The following KCNJ15 variants were observed in gnomAD, a reference collection of about 807,000 sequenced individuals.
KCNJ15 encodes the protein potassium inwardly rectifying channel subfamily J member 15, also known as ATP-sensitive inward rectifier potassium channel 15.
Under a neutral mutation model 23.0 loss-of-function variants are expected in KCNJ15, and 14 were observed. The observed-to-expected ratio is 0.61, with a 90% confidence interval of 0.40 to 0.95. KCNJ15 has a LOEUF of 0.95. KCNJ15 is among the 40% of genes least tolerant of loss of function. The pLI, the probability that KCNJ15 is intolerant of heterozygous loss-of-function variation, is 0.00. For synonymous variants in KCNJ15, 185 were observed against 183.2 expected (o/e 1.01, Z -0.08); for missense variants, 388 against 461.8 (o/e 0.84, Z 1.46).
chr21:38,281,752 G>A (rs1983369464), intron 1 of KCNJ15, among the ~76,000 whole-genome samples: 2 of 148,568 alleles, frequency 1.3e-5, no homozygotes, highest in African/African-American at 2.6e-5. Context: ...GTGTCTTTTG[G>A]TAGAATGATA....
chr21:38,241,496 G>T (rs974626748), intron 1 of KCNJ15, among the ~76,000 whole-genome samples: 5 of 152,168 alleles, frequency 3.3e-5, no homozygotes, highest in African/African-American at 9.6e-5. Flanking sequence ...TTTTCATCTC[G>T]TGCAAATGAA....
chr21:38,271,345 T>C (rs966607519), intron 1 of KCNJ15, among the ~76,000 whole-genome samples: 13 of 152,166 alleles, frequency 8.5e-5, no homozygotes, highest in African/African-American at 2.9e-4. Context: ...AAGAGCTTGT[T>C]CTCCTAATGT....
At chr21:38,244,649 A>C (rs1979242843) in intron 1 of KCNJ15, among the ~76,000 whole-genome samples, 1 of 152,118 alleles carries the variant, frequency 6.6e-6, no homozygotes, top group Admixed American at 6.5e-5. Context: ...GAACTGAGCA[A>C]GTCCTAACCA....
intron 1 of KCNJ15, among the ~76,000 whole-genome samples, chr21:38,274,790 C>G (rs115877769): frequency 6.6e-6 from 1 of 152,172 alleles, no homozygotes; most frequent in Non-Finnish European, 1.5e-5. Context: ...ATCTGGCTGG[C>G]CTTTCTCCAG....
upstream of KCNJ15, among the ~76,000 whole-genome samples, chr21:38,256,366 A>ATGTG (rs200587072): frequency 3.8e-5 from 5 of 131,722 alleles, no homozygotes; most frequent in Admixed American, 3.5e-4. Flanking sequence ...CAGCTTATAT[A>ATGTG]TATATATATA....
At chr21:38,238,764 A>G in intron 1 of KCNJ15, 2 of 355,552 alleles carry the variant, frequency 5.6e-6, no homozygotes, top group Non-Finnish European at 1.1e-5. Context: ...AGGGGAGAAG[A>G]GTCAGAATGA....
In KCNJ15 at chr21:38,278,906, G is replaced by T. The variant is rs75928023; in HGVS notation, c.-116-18020G>T. On this transcript the variant is annotated intron_variant, in intron 1 of 2. Transcript: ENST00000398938. ...AGACAATGGGGCCACTAAGCTGGGCGGCAGAGTGCTTTAGGGACACCACTG... is the reference window on the plus strand; with the variant it reads ...AGACAATGGGGCCACTAAGCTGGGCTGCAGAGTGCTTTAGGGACACCACTG... Among the ~76,000 whole-genome samples the T allele has an allele frequency of 3.6e-4, 55 of 152,320 alleles. No individual in the cohort carries two copies. The East Asian group carries it at 8.3e-3, about 23-fold the overall frequency.
In KCNJ15 at chr21:38,288,018, G is replaced by GTTTTTTTTT. The variant is rs1395005811; in HGVS notation, c.-116-8901_-116-8900insTTTTTTTTT. On this transcript the variant is annotated intron_variant, in intron 1 of 2. Transcript: ENST00000398938. ...CATTTGTCCCATTGTTAAATAACTT[G>GTTTTTTTTT]TTTTTTTCTTTGTTTTTTTTTTTTT... 2.7e-4 allele frequency among the ~76,000 whole-genome samples: 7 copies of GTTTTTTTTT among 26,014 alleles called. 1 individual carries two copies. Among genetic ancestry groups the GTTTTTTTTT allele is most frequent in the Non-Finnish European group, 7.2e-4 (7 of 9,764 alleles). 17.1% of individuals were successfully genotyped at this position (26,014 alleles called of 152,430 possible).
At chr21:38,247,686 A>G (rs1979542253) in intron 1 of KCNJ15, among the ~76,000 whole-genome samples, 1 of 152,212 alleles carries the variant, frequency 6.6e-6, no homozygotes, top group African/African-American at 2.4e-5. Context: ...GTATGCCCAT[A>G]TGTTCTTCAT....
At chr21:38,289,843 A>G (rs1414460108) in intron 1 of KCNJ15, among the ~76,000 whole-genome samples, 1 of 152,208 alleles carries the variant, frequency 6.6e-6, no homozygotes, top group Non-Finnish European at 1.5e-5. Flanking sequence ...CTGTTTTGCC[A>G]GTCATCTCAC....
Position 38,299,650 on chromosome 21 carries a change from A to T in KCNJ15, c.389A>T (p.Tyr130Phe). 6.2e-7 allele frequency: 1 copy of T among 1,614,204 alleles called. No individual in the cohort carries two copies. Among genetic ancestry groups the T allele is most frequent in the African/African-American group, 1.3e-5 (1 of 75,044 alleles). ...FSLESQTTIG[Y>F]GVRSITEECP... is the part of the protein sequence containing the mutation. ...CTGGAATCCCAGACAACCATTGGCTATGGAGTCCGTTCCATCACAGAGGAA... is the reference window on the plus strand; with the variant it reads ...CTGGAATCCCAGACAACCATTGGCTTTGGAGTCCGTTCCATCACAGAGGAA... The change falls in exon 3 of 3, where the codon TAT becomes TTT. Residue 130 changes from tyrosine to phenylalanine, a missense_variant. Coordinates refer to ENST00000398938, the MANE Select transcript of KCNJ15 (RefSeq NM_170736.3). The surrounding 1 kb of genome is among the most constrained non-coding windows in gnomAD (Gnocchi z 4.5).
At chr21:38,259,675 G>C (rs1432928361) in intron 1 of KCNJ15, among the ~76,000 whole-genome samples, 1 of 152,158 alleles carries the variant, frequency 6.6e-6, no homozygotes, top group African/African-American at 2.4e-5. Flanking sequence ...TCTCTCTTCT[G>C]TCCTTTACCT....
chr21:38,265,563 A>ATAG (rs1445632654), intron 1 of KCNJ15, among the ~76,000 whole-genome samples: 1 of 152,210 alleles, frequency 6.6e-6, no homozygotes, highest in Non-Finnish European at 1.5e-5. Context: ...CAGATTTTGA[A>ATAG]TAGTCAGGCT....
intron 1 of KCNJ15, chr21:38,267,209 G>A (rs1981554521): frequency 3.9e-5 from 6 of 152,410 alleles, no homozygotes; most frequent in Admixed American, 3.9e-4. Flanking sequence ...CCATTGTTAG[G>A]AAACAAAAAT....
intron 1 of KCNJ15, among the ~76,000 whole-genome samples, chr21:38,232,038 AAAT>A (rs1279677443): frequency 1.3e-5 from 2 of 151,738 alleles, no homozygotes; most frequent in East Asian, 3.8e-4. Context: ...TCATTTGAAT[AAAT>A]AATGATTCTT....
intron 1 of KCNJ15, among the ~76,000 whole-genome samples, chr21:38,277,374 T>G (rs913488764): frequency 9.9e-5 from 15 of 152,142 alleles, no homozygotes; most frequent in Admixed American, 6.5e-4. Context: ...CGCAGTAATT[T>G]CCAGGCTAAT....
At chr21:38,297,399 TG>T (rs1985271126) in intron 2 of KCNJ15, among the ~76,000 whole-genome samples, 1 of 152,240 alleles carries the variant, frequency 6.6e-6, no homozygotes, top group Admixed American at 6.5e-5. Context: ...GGCAGAGGGC[TG>T]AGTGCCCGCA....
intron 1 of KCNJ15, among the ~76,000 whole-genome samples, chr21:38,276,371 G>A (rs979261371): frequency 2.0e-5 from 3 of 152,062 alleles, no homozygotes; most frequent in African/African-American, 7.2e-5. Context: ...GTAGGGCTGG[G>A]CGTGTCCCCA....
chr21:38,293,057 A>T (rs1015494901), intron 1 of KCNJ15, among the ~76,000 whole-genome samples: 1 of 152,102 alleles, frequency 6.6e-6, no homozygotes, highest in Non-Finnish European at 1.5e-5. Context: ...ATCCTAAGAT[A>T]AAAAAATATG....
Sources: gnomAD v4.1 joint callset for allele counts (sites outside exome capture counted in the v4.1 genomes callset) on GRCh38, gnomAD v4.1.1 for gene constraint, Gnocchi (gnomAD v3.1) non-coding constraint, MANE v1.5 for transcripts, NCBI Gene and HGNC (gene_info 2026-07-23, HGNC 2026-07-21) for gene names.